Variants in PRDM5 observed in about 807,000 individuals in gnomAD.
PRDM5 encodes the protein PR domain zinc finger protein 5.
In PRDM5, 56 loss-of-function variants were observed where a neutral mutation model predicts 81.2. That is an observed-to-expected ratio of 0.69 (90% CI 0.56 to 0.86). The LOEUF (loss-of-function observed/expected upper bound fraction) is 0.86, where lower values mean the gene tolerates loss of function less well. Among genes scored for constraint, PRDM5 ranks in the 40% least tolerant of loss-of-function variants. The probability of loss-of-function intolerance (pLI) is 0.00; values close to 1 mark genes in which losing one functional copy is unlikely to be tolerated. For missense variants in PRDM5, 697 were observed against 770.1 expected (o/e 0.91, Z 1.12); for synonymous variants, 267 against 256.4 (o/e 1.04, Z -0.39).
intron 2 of PRDM5, among the ~76,000 whole-genome samples, chr4:120,860,757 C>T (rs1312466609): frequency 2.0e-5 from 3 of 152,084 alleles, no homozygotes; most frequent in Non-Finnish European, 4.4e-5. Flanking sequence ...TATTTGTTTA[C>T]TTTTTATTTT....
At chr4:120,729,480 C>T (rs966553945) in intron 14 of PRDM5, among the ~76,000 whole-genome samples, 5 of 152,136 alleles carry the variant, frequency 3.3e-5, no homozygotes, top group Non-Finnish European at 5.9e-5. Flanking sequence ...AGCCTAAACA[C>T]CAATCTTGAT....
intron 1 of PRDM5, among the ~76,000 whole-genome samples, chr4:120,922,153 A>G (rs970459025): frequency 2.6e-5 from 4 of 152,204 alleles, no homozygotes; most frequent in Admixed American, 6.5e-5. Flanking sequence ...CGCCAACGCA[A>G]AGACGCAGCT....
intron 3 of PRDM5, among the ~76,000 whole-genome samples, chr4:120,845,553 C>T (rs760078401): frequency 1.3e-5 from 2 of 152,188 alleles, no homozygotes; most frequent in Non-Finnish European, 2.9e-5. Flanking sequence ...CTTCTGAAAA[C>T]TACTGCTCAT....
At chr4:120,868,357 A>G (rs1761432109) in intron 2 of PRDM5, among the ~76,000 whole-genome samples, 1 of 152,200 alleles carries the variant, frequency 6.6e-6, no homozygotes, top group African/African-American at 2.4e-5. Context: ...CTAAATGTAT[A>G]AATAGTAATG....
intron 14 of PRDM5, among the ~76,000 whole-genome samples, chr4:120,714,443 G>T (rs71600499): frequency 6.6e-6 from 1 of 151,686 alleles, no homozygotes; most frequent in African/African-American, 2.4e-5. Context: ...TGGGACCCTA[G>T]GGCTTTTAAT....
At chr4:120,913,291 C>A (rs1766725132) in intron 1 of PRDM5, among the ~76,000 whole-genome samples, 1 of 152,188 alleles carries the variant, frequency 6.6e-6, no homozygotes, top group African/African-American at 2.4e-5. Flanking sequence ...CTGAAGCAGC[C>A]ACCTTGAGTC....
At chr4:120,691,124 T>TA (rs1431344716), downstream of PRDM5, among the ~76,000 whole-genome samples, 1 of 152,130 alleles carries the variant, frequency 6.6e-6, no homozygotes, top group African/African-American at 2.4e-5. Context: ...AGAATTTTTT[T>TA]AAAAAAGGAA....
intron 14 of PRDM5, among the ~76,000 whole-genome samples, chr4:120,737,024 G>C (rs1475272375): frequency 6.6e-6 from 1 of 152,174 alleles, no homozygotes; most frequent in Non-Finnish European, 1.5e-5. Context: ...GGAGAGTTAA[G>C]GCTTGAGCTT....
intron 10 of PRDM5, among the ~76,000 whole-genome samples, chr4:120,795,840 G>A (rs993750037): frequency 1.3e-5 from 2 of 152,178 alleles, no homozygotes; most frequent in Non-Finnish European, 1.5e-5. Flanking sequence ...TTGAACCTGG[G>A]AGGCAGAGAT....
rs550462951 is a variant in PRDM5, at chr4:120,889,263, C to T, written c.177+18211G>A. 1.1e-3 allele frequency among the ~76,000 whole-genome samples: 165 copies of T among 152,152 alleles called. 1 individual carries two copies. The highest frequency in any genetic ancestry group is 5.8e-4 in the East Asian group (3 of 5,178). On this transcript the variant is annotated intron_variant, in intron 2 of 15. Transcript: ENST00000264808. ...TTCATATATGATGTGAATTAGGGGTCAAAATACTATTTTTCCATGAGGATA... is the reference window on the plus strand; with the variant it reads ...TTCATATATGATGTGAATTAGGGGTTAAAATACTATTTTTCCATGAGGATA...
intron 2 of PRDM5, among the ~76,000 whole-genome samples, chr4:120,867,417 C>T (rs1050396604): frequency 6.6e-6 from 1 of 152,094 alleles, no homozygotes; most frequent in Non-Finnish European, 1.5e-5. Context: ...CAGTTTTCTC[C>T]AAATCTTAAG....
intron 14 of PRDM5, among the ~76,000 whole-genome samples, chr4:120,728,916 G>A (rs1739845879): frequency 1.3e-5 from 2 of 152,122 alleles, no homozygotes; most frequent in Admixed American, 1.3e-4. Context: ...CAGAACTAAA[G>A]GAGAGACAAA....
intron 13 of PRDM5, among the ~76,000 whole-genome samples, chr4:120,772,022 A>C (rs1405825173): frequency 2.6e-5 from 4 of 152,184 alleles, no homozygotes; most frequent in Non-Finnish European, 4.4e-5. Context: ...TTAGCTCAAA[A>C]GTATATGACT....
At chr4:120,751,770 G>A (rs898442333) in intron 14 of PRDM5, among the ~76,000 whole-genome samples, 9 of 152,162 alleles carry the variant, frequency 5.9e-5, no homozygotes, top group Admixed American at 6.5e-5. Context: ...AATAACCAGA[G>A]AGTAAATGGC....
At chr4:120,878,369 C>T (rs570780461) in intron 2 of PRDM5, among the ~76,000 whole-genome samples, 63 of 152,244 alleles carry the variant, frequency 4.1e-4, no homozygotes, top group African/African-American at 1.5e-3. Context: ...ACACAAAATA[C>T]ATATGTAGAC....
chr4:120,810,089 A>G (rs1387337390), intron 8 of PRDM5, among the ~76,000 whole-genome samples: 2 of 152,188 alleles, frequency 1.3e-5, no homozygotes, highest in Admixed American at 6.5e-5. Context: ...TAAAGTACAC[A>G]ATAAATGTAA....
At chr4:120,798,510 T>C (rs958204775) in intron 9 of PRDM5, 86 bp from the exon 10 acceptor site, 1 of 1,248,586 alleles carries the variant, frequency 8.0e-7, no homozygotes, top group Non-Finnish European at 1.1e-6. Context: ...ATATTACTTC[T>C]TACGGTAAGA....
chr4:120,841,230 T>C (rs1338743739), intron 3 of PRDM5, among the ~76,000 whole-genome samples: 4 of 152,218 alleles, frequency 2.6e-5, no homozygotes, highest in Non-Finnish European at 5.9e-5. Context: ...ACAGTATAAC[T>C]TTGTTATACA....
At chr4:120,851,475 A>T (rs1327162895) in intron 3 of PRDM5, among the ~76,000 whole-genome samples, 1 of 152,056 alleles carries the variant, frequency 6.6e-6, no homozygotes, top group African/African-American at 2.4e-5. Context: ...AAAGAAAAAA[A>T]AAAAAAACAT....
Sources: allele counts gnomAD v4.1 joint callset (sites outside exome capture counted in the v4.1 genomes callset), GRCh38; gene constraint gnomAD v4.1.1; transcripts MANE v1.5; gene names NCBI Gene and HGNC (gene_info 2026-07-23, HGNC 2026-07-21).